Variants in CSMD1 observed in about 807,000 individuals in gnomAD.
The protein encoded by CSMD1 is CUB and sushi domain-containing protein 1.
A neutral mutation model predicts 417.5 loss-of-function variants in CSMD1; 213 were observed. The observed-to-expected ratio is 0.51, with a 90% CI of 0.46 to 0.57. CSMD1 has a LOEUF of 0.57. Among genes scored for constraint, CSMD1 ranks in the 20% least tolerant of loss-of-function variants. CSMD1 has a pLI of 0.00. For synonymous variants in CSMD1, 2,862 were observed against 1,736.8 expected (o/e 1.65, Z -16.11); for missense variants, 6,923 against 4,529.7 (o/e 1.53, Z -15.17).
intron 4 of CSMD1, among the ~76,000 whole-genome samples, chr8:4,028,969 G>T (rs887239216): frequency 6.6e-6 from 1 of 152,176 alleles, no homozygotes; most frequent in East Asian, 1.9e-4. Flanking sequence ...TAGCAGTGTT[G>T]CAGGTAAAGG....
intron 6 of CSMD1, among the ~76,000 whole-genome samples, chr8:3,719,765 G>A (rs540142024): frequency 1.4e-3 from 208 of 152,224 alleles, no homozygotes; most frequent in Non-Finnish European, 2.5e-3. Context: ...TTCCTCCTGT[G>A]TGGAAGGCAT....
intron 31 of CSMD1, among the ~76,000 whole-genome samples, chr8:3,203,042 C>G (rs576331994): frequency 6.6e-5 from 10 of 152,210 alleles, no homozygotes; most frequent in Admixed American, 2.0e-4. Flanking sequence ...ACTGGAGGCC[C>G]AAAACTTGGG....
intron 3 of CSMD1, among the ~76,000 whole-genome samples, chr8:4,118,829 C>A (rs959900427): frequency 6.6e-6 from 1 of 152,172 alleles, no homozygotes; most frequent in Non-Finnish European, 1.5e-5. Flanking sequence ...ATAGCAAAGA[C>A]TTGGAACCAA....
At chr8:3,529,831 A>T (rs969025007) in intron 10 of CSMD1, among the ~76,000 whole-genome samples, 1 of 152,190 alleles carries the variant, frequency 6.6e-6, no homozygotes, top group African/African-American at 2.4e-5. Context: ...AGTGATCTGT[A>T]AGCCTACATT....
chr8:4,877,194 G>A (rs774109838), intron 1 of CSMD1, among the ~76,000 whole-genome samples: 7 of 151,892 alleles, frequency 4.6e-5, no homozygotes, highest in Non-Finnish European at 8.8e-5. Flanking sequence ...GCCCCTGAAT[G>A]AGTATGCAAT....
intron 10 of CSMD1, among the ~76,000 whole-genome samples, chr8:3,551,276 C>G (rs1798898861): frequency 6.6e-6 from 1 of 152,130 alleles, no homozygotes; most frequent in Non-Finnish European, 1.5e-5. Flanking sequence ...GGCATATTTT[C>G]TGTACTACAG....
At chr8:3,867,242 A>T (rs962037240) in intron 5 of CSMD1, among the ~76,000 whole-genome samples, 14 of 152,186 alleles carry the variant, frequency 9.2e-5, no homozygotes, top group Non-Finnish European at 1.8e-4. Flanking sequence ...GTAACTAGCT[A>T]GCTAGTGTAA....
chr8:3,000,298 T>A (rs1262474405), intron 52 of CSMD1, among the ~76,000 whole-genome samples, 167 bp from the exon 53 acceptor site: 2 of 151,616 alleles, frequency 1.3e-5, no homozygotes, highest in Non-Finnish European at 2.9e-5. Context: ...TTCTTTTTTT[T>A]ATTATTTTTT....
chr8:3,260,101 T>A lies in CSMD1; in HGVS notation c.4153+24043A>T, dbSNP rs552270964. Among the ~76,000 whole-genome samples, 5 of 152,342 alleles carry A rather than the reference T, an allele frequency of 3.3e-5. No individual in the cohort carries two copies. In the East Asian group the frequency reaches 9.7e-4, roughly 29 times the overall value. On this transcript the variant is annotated intron_variant, in intron 26 of 69. Coordinates refer to ENST00000635120, the MANE Select transcript of CSMD1 (RefSeq NM_033225.6). ...TTTTTGCATTTATATGGCATTTTTC[T>A]TTGCATGTATATGGCATTTCCCTTA...
intron 2 of CSMD1, among the ~76,000 whole-genome samples, chr8:4,629,833 T>G (rs1251362275): frequency 6.6e-6 from 1 of 152,214 alleles, no homozygotes; most frequent in Non-Finnish European, 1.5e-5. Context: ...TAGTGTCATG[T>G]TGCAAACTAT....
rs1800055344 is a variant in CSMD1, at chr8:3,795,826, AT to A, written c.819-41785del. On this transcript the variant is annotated intron_variant, in intron 5 of 69. Coordinates refer to ENST00000635120, the MANE Select transcript of CSMD1 (RefSeq NM_033225.6). Reference sequence around the variant, plus strand: ...CTATCATGTACAGATATAGATATATATCTATCATGTACAGATATAGATATAT... The same window carrying A: ...CTATCATGTACAGATATAGATATATACTATCATGTACAGATATAGATATAT... 4.3e-5 allele frequency among the ~76,000 whole-genome samples: 3 copies of A among 69,054 alleles called. 1 individual carries two copies. Among genetic ancestry groups the A allele is most frequent in the Non-Finnish European group, 8.3e-5 (3 of 36,076 alleles). 45.3% of individuals were successfully genotyped at this position (69,054 alleles called of 152,430 possible). A position where few individuals can be genotyped will look rare whatever the true frequency, so the allele number is the denominator to read the frequency against.
chr8:4,509,241 C>A (rs1563243078), intron 2 of CSMD1, among the ~76,000 whole-genome samples: 1 of 151,978 alleles, frequency 6.6e-6, no homozygotes, highest in Non-Finnish European at 1.5e-5. Flanking sequence ...TTAAAGAGAT[C>A]AAAGAGAATC....
At chr8:4,713,194 C>T (rs1351484915) in intron 1 of CSMD1, among the ~76,000 whole-genome samples, 1 of 152,296 alleles carries the variant, frequency 6.6e-6, no homozygotes, top group South Asian at 2.1e-4. Context: ...TCATTATCAA[C>T]CATTAACACT....
chr8:4,659,639 C>G (rs1264210382), intron 1 of CSMD1, among the ~76,000 whole-genome samples: 2 of 152,088 alleles, frequency 1.3e-5, no homozygotes, highest in African/African-American at 4.8e-5. Context: ...TAGGCCATTT[C>G]CAAGGCGACA....
At chr8:4,931,901 T>G (rs1258297278) in intron 1 of CSMD1, among the ~76,000 whole-genome samples, 1 of 152,228 alleles carries the variant, frequency 6.6e-6, no homozygotes, top group Admixed American at 6.5e-5. Flanking sequence ...ATATGTACTT[T>G]AGAAATGTCC....
chr8:4,634,839 T>A (rs1802729926), intron 2 of CSMD1, among the ~76,000 whole-genome samples: 1 of 152,146 alleles, frequency 6.6e-6, no homozygotes, highest in South Asian at 2.1e-4. Context: ...CATTCCAATT[T>A]CACATCTCTA....
At chr8:4,080,668 G>C (rs935336403) in intron 3 of CSMD1, among the ~76,000 whole-genome samples, 1 of 152,130 alleles carries the variant, frequency 6.6e-6, no homozygotes, top group African/African-American at 2.4e-5. Flanking sequence ...AAAAGTAACA[G>C]AATCACTGAA....
At chr8:4,610,233 C>T (rs572488090) in intron 2 of CSMD1, among the ~76,000 whole-genome samples, 12 of 152,122 alleles carry the variant, frequency 7.9e-5, no homozygotes, top group African/African-American at 2.7e-4. Context: ...GAAAGAGAGA[C>T]TAAATCCTTC....
At chr8:3,692,134 C>G (rs534099408) in intron 7 of CSMD1, among the ~76,000 whole-genome samples, 1 of 152,282 alleles carries the variant, frequency 6.6e-6, no homozygotes, top group South Asian at 2.1e-4. Context: ...GCATCCGGGT[C>G]TCCTATCCCA....
Sources: allele counts gnomAD v4.1 joint callset (sites outside exome capture counted in the v4.1 genomes callset), GRCh38; gene constraint gnomAD v4.1.1; transcripts MANE v1.5; gene names NCBI Gene and HGNC (gene_info 2026-07-23, HGNC 2026-07-21).